Variants in MAN1A2 observed in about 807,000 individuals in gnomAD.
MAN1A2 encodes the protein mannosyl-oligosaccharide 1,2-alpha-mannosidase IB.
In MAN1A2, 26 loss-of-function variants were observed where a neutral mutation model predicts 75.7. That is an observed-to-expected ratio of 0.34 (90% confidence interval 0.25 to 0.48). The LOEUF is 0.48. MAN1A2 is among the 20% of genes least tolerant of loss of function. MAN1A2 has a pLI of 0.99. For synonymous variants in MAN1A2, 247 were observed against 264.6 expected (o/e 0.93, Z 0.65); for missense variants, 562 against 775.5 (o/e 0.72, Z 3.27).
chr1:117,445,946 A>T (rs543222777), intron 6 of MAN1A2, among the ~76,000 whole-genome samples: 8 of 147,108 alleles, frequency 5.4e-5, no homozygotes, highest in African/African-American at 1.7e-4. Flanking sequence ...AAATTTATAT[A>T]TAAATTTATA....
intron 4 of MAN1A2, among the ~76,000 whole-genome samples, chr1:117,417,440 T>C (rs1270829455): frequency 1.3e-5 from 2 of 149,854 alleles, no homozygotes; most frequent in Non-Finnish European, 3.0e-5. Context: ...GTTTTCCTTA[T>C]TTTGGATTAA....
chr1:117,459,703 A>T (rs1350335313), intron 6 of MAN1A2, among the ~76,000 whole-genome samples: 1 of 152,192 alleles, frequency 6.6e-6, no homozygotes, highest in Non-Finnish European at 1.5e-5. Context: ...TATTCTAGAG[A>T]TTATATCTGC....
At chr1:117,518,813 A>T (rs992400921) in intron 12 of MAN1A2, among the ~76,000 whole-genome samples, 2 of 152,100 alleles carry the variant, frequency 1.3e-5, no homozygotes, top group African/African-American at 4.8e-5. Flanking sequence ...AATGGATTTA[A>T]ACTATACCCT....
chr1:117,369,811 G>A (rs922306463), intron 1 of MAN1A2, among the ~76,000 whole-genome samples: 1 of 152,194 alleles, frequency 6.6e-6, no homozygotes, highest in African/African-American at 2.4e-5. Flanking sequence ...AATTAACGGT[G>A]AAAGTAGTTT....
intron 6 of MAN1A2, among the ~76,000 whole-genome samples, chr1:117,450,916 G>A (rs937391395): frequency 6.6e-6 from 1 of 152,214 alleles, no homozygotes; most frequent in East Asian, 1.9e-4. Context: ...CTAGGGGAGG[G>A]CCGAAGGGAA....
intron 1 of MAN1A2, among the ~76,000 whole-genome samples, chr1:117,401,957 TGG>T (rs1647442951): frequency 6.6e-6 from 1 of 152,162 alleles, no homozygotes; most frequent in Non-Finnish European, 1.5e-5. Context: ...GCTCTTAGTC[TGG>T]AAATTGTATA....
At chr1:117,392,008 A>G (rs1653735984) in intron 1 of MAN1A2, among the ~76,000 whole-genome samples, 1 of 151,452 alleles carries the variant, frequency 6.6e-6, no homozygotes, top group African/African-American at 2.4e-5. Context: ...GGCCCTTGTC[A>G]TTTTTTGCCT....
chr1:117,413,950 TTCTTC>T (rs749210104), intron 3 of MAN1A2, among the ~76,000 whole-genome samples: 50 of 152,102 alleles, frequency 3.3e-4, no homozygotes, highest in African/African-American at 1.1e-3. Flanking sequence ...TTGGCCTGTT[TTCTTC>T]TCTTAAGTTT....
intron 5 of MAN1A2, among the ~76,000 whole-genome samples, chr1:117,441,364 C>G (rs1251401256): frequency 1.3e-5 from 2 of 151,968 alleles, no homozygotes; most frequent in African/African-American, 4.8e-5. Flanking sequence ...ATATTTTTAT[C>G]AAAAGTATTT....
intron 6 of MAN1A2, among the ~76,000 whole-genome samples, chr1:117,455,964 A>T (rs975774101): frequency 1.5e-4 from 23 of 152,076 alleles, no homozygotes; most frequent in Admixed American, 3.3e-4. Flanking sequence ...TACTTAAAAA[A>T]TTTTTAAAGC....
At chr1:117,398,861 A>G (rs577203565) in intron 1 of MAN1A2, among the ~76,000 whole-genome samples, 5 of 152,290 alleles carry the variant, frequency 3.3e-5, no homozygotes, top group African/African-American at 1.2e-4. Context: ...AGTGAGGCAT[A>G]GTCTGAATAA....
intron 5 of MAN1A2, among the ~76,000 whole-genome samples, chr1:117,423,975 C>T (rs540110439): frequency 4.6e-5 from 7 of 151,312 alleles, no homozygotes; most frequent in Admixed American, 3.3e-4. Flanking sequence ...CTCTGCCTCC[C>T]GGGTTCAAGC....
At chr1:117,388,549 C>G (rs1029690170) in intron 1 of MAN1A2, among the ~76,000 whole-genome samples, 1 of 152,080 alleles carries the variant, frequency 6.6e-6, no homozygotes, top group Admixed American at 6.5e-5. Flanking sequence ...GTGTAGGCAT[C>G]TCACACAGTA....
At chr1:117,481,754 A>G (rs1053289648) in intron 8 of MAN1A2, among the ~76,000 whole-genome samples, 8 of 151,986 alleles carry the variant, frequency 5.3e-5, no homozygotes, top group Non-Finnish European at 7.4e-5. Context: ...GAAGTGGAGC[A>G]TGCAAGGCTT....
At chr1:117,404,568 C>T (rs543319460) in intron 2 of MAN1A2, among the ~76,000 whole-genome samples, 2 of 152,110 alleles carry the variant, frequency 1.3e-5, no homozygotes, top group East Asian at 3.9e-4. Context: ...ATTATCAGCT[C>T]CAGGATTATA....
At chr1:117,522,802 A>G in intron 12 of MAN1A2, 23 bp from the exon 13 acceptor site, 1 of 1,605,866 alleles carries the variant, frequency 6.2e-7, no homozygotes, top group Non-Finnish European at 8.5e-7. Context: ...ACTGAAGCTC[A>G]TTTCTCCCCT....
At chr1:117,408,773 AT>A (rs34524856) in intron 3 of MAN1A2, among the ~76,000 whole-genome samples, 56 of 150,656 alleles carry the variant, frequency 3.7e-4, no homozygotes, top group African/African-American at 1.3e-3. Flanking sequence ...TGCATCTGGA[AT>A]TTTTTTTTTC....
intron 5 of MAN1A2, among the ~76,000 whole-genome samples, chr1:117,430,030 G>GT (rs1557946887): frequency 1.6e-4 from 7 of 44,866 alleles, no homozygotes; most frequent in Non-Finnish European, 2.3e-4. Flanking sequence ...CCGGGTGGGG[G>GT]GCTGACCCCC....
At chr1:117,497,707 T>TAA (rs560821945) in intron 10 of MAN1A2, among the ~76,000 whole-genome samples, 45 of 151,874 alleles carry the variant, frequency 3.0e-4, no homozygotes, top group African/African-American at 1.1e-3. Context: ...TAGGCTTTTT[T>TAA]AAAAAAGACA....
Sources: allele counts gnomAD v4.1 joint callset (sites outside exome capture counted in the v4.1 genomes callset), GRCh38; gene constraint gnomAD v4.1.1; transcripts MANE v1.5; gene names NCBI Gene and HGNC (gene_info 2026-07-23, HGNC 2026-07-21).